RAB11FIP3: variants seen among roughly 807,000 people sequenced by gnomAD.
RAB11FIP3 encodes the protein rab11 family-interacting protein 3.
Under a neutral mutation model 77.8 loss-of-function variants are expected in RAB11FIP3, and 17 were observed. The observed-to-expected ratio is 0.22, with a 90% CI of 0.15 to 0.33. RAB11FIP3 has a LOEUF of 0.33. RAB11FIP3 is among the 10% of genes least tolerant of loss of function. RAB11FIP3 has a pLI of 1.00. For synonymous variants in RAB11FIP3, 437 were observed against 448.2 expected (o/e 0.98, Z 0.31); for missense variants, 1,005 against 1,011.2 (o/e 0.99, Z 0.08).
chr16:477,397 C>T (rs2055937684), intron 3 of RAB11FIP3, among the ~76,000 whole-genome samples: 1 of 152,226 alleles, frequency 6.6e-6, no homozygotes, highest in Non-Finnish European at 1.5e-5. Context: ...GGCAGTGTGG[C>T]CCCTGTGAGT....
rs2055808221 is a variant in RAB11FIP3, at chr16:471,507, G to A, written c.903+118G>A. On this transcript the variant is annotated intron_variant, in intron 3 of 13. Coordinates refer to ENST00000262305, the MANE Select transcript of RAB11FIP3 (RefSeq NM_014700.4). The surrounding 1 kb of genome is among the most constrained non-coding windows in gnomAD (Gnocchi z 4.4). ...TTCCGTAGAAGCTGGCGTGAAGGAAGGGCCTCCCGCCCTGTGTGCACCGTG... is the reference window on the plus strand; with the variant it reads ...TTCCGTAGAAGCTGGCGTGAAGGAAAGGCCTCCCGCCCTGTGTGCACCGTG... 2 of 870,212 alleles carry A rather than the reference G, an allele frequency of 2.3e-6. No homozygotes were observed. The highest frequency in any genetic ancestry group is 3.7e-6 in the Non-Finnish European group (2 of 543,050). 53.9% of individuals were successfully genotyped at this position (870,212 alleles called of 1,614,324 possible). A position where few individuals can be genotyped will look rare whatever the true frequency, so the allele number is the denominator to read the frequency against.
In RAB11FIP3 at chr16:462,675, C is replaced by T. The variant is rs112468239; in HGVS notation, c.808+1178C>T. Among the ~76,000 whole-genome samples, 421 of 148,466 alleles carry T rather than the reference C, an allele frequency of 2.8e-3. 1 individual carries two copies. Among genetic ancestry groups the T allele is most frequent in the Middle Eastern group, 0.014 (4 of 286 alleles). ...CCCTTCCGCAGCACCGTCCCTTCCC[C>T]GGCACCGTCCCTTCCCCAGTCCCCC... is the stretch of plus-strand genomic sequence containing the variant. On this transcript the variant is annotated intron_variant, in intron 2 of 13. Coordinates refer to ENST00000262305, the MANE Select transcript of RAB11FIP3 (RefSeq NM_014700.4).
At position 518,927 on chromosome 16, in the gene RAB11FIP3, T is replaced by C; in HGVS notation, c.1641-16T>C. 3 of 1,613,382 alleles carry C rather than the reference T, an allele frequency of 1.9e-6. No homozygotes were observed. The highest frequency in any genetic ancestry group is 2.5e-6 in the Non-Finnish European group (3 of 1,179,836). ...AGCTTCCTGGAGTGAGTTTCAGCTT[T>C]GTTCTTGTGTCCCAGGCTACAGCAA... On this transcript the variant is annotated splice_polypyrimidine_tract_variant and intron_variant, in intron 9 of 13. Coordinates refer to ENST00000262305, the MANE Select transcript of RAB11FIP3 (RefSeq NM_014700.4).
chr16:443,171 G>A (rs75407681), intron 1 of RAB11FIP3, among the ~76,000 whole-genome samples: 3,905 of 152,098 alleles, frequency 0.026, 181 homozygotes, highest in African/African-American at 0.087. Flanking sequence ...CAGCACTGAG[G>A]AACACTTGGC....
chr16:428,087 C>G (rs1233770283), intron 1 of RAB11FIP3, among the ~76,000 whole-genome samples: 1 of 139,774 alleles, frequency 7.2e-6, no homozygotes, highest in African/African-American at 2.9e-5. Flanking sequence ...GGCGACAGAG[C>G]GAGACTTCGT....
chr16:493,680 C>T (rs1393859459), intron 5 of RAB11FIP3, among the ~76,000 whole-genome samples: 1 of 152,044 alleles, frequency 6.6e-6, no homozygotes, highest in Admixed American at 6.5e-5. Flanking sequence ...GATCTCGGCT[C>T]ACTGCAACCT....
chr16:520,609 C>T lies in RAB11FIP3; in HGVS notation c.2157+10C>T. Reference sequence around the variant, plus strand: ...CGTCTCCCGAGATGAGGTAACACATCCCGTGTCTGCACGGTGTGGCCTGGG... The same window carrying T: ...CGTCTCCCGAGATGAGGTAACACATTCCGTGTCTGCACGGTGTGGCCTGGG... On this transcript the variant is annotated intron_variant, in intron 13 of 13. Coordinates refer to ENST00000262305, the MANE Select transcript of RAB11FIP3 (RefSeq NM_014700.4). 1 of 1,612,878 alleles carries T rather than the reference C, an allele frequency of 6.2e-7. No homozygotes were observed. The highest frequency in any genetic ancestry group is 1.1e-5 in the South Asian group (1 of 91,046).
intron 1 of RAB11FIP3, among the ~76,000 whole-genome samples, chr16:450,407 A>T (rs1230527702): frequency 6.6e-6 from 1 of 152,116 alleles, no homozygotes; most frequent in Non-Finnish European, 1.5e-5. Flanking sequence ...GTCAGTTTCG[A>T]ACTCCTGACC....
intron 1 of RAB11FIP3, among the ~76,000 whole-genome samples, chr16:448,173 C>T (rs534627966): frequency 1.3e-4 from 20 of 150,108 alleles, no homozygotes; most frequent in Admixed American, 2.7e-4. Context: ...AAAAATTAGC[C>T]GAGCGTGGTG....
At chr16:458,238 G>A (rs538392596) in intron 1 of RAB11FIP3, among the ~76,000 whole-genome samples, 1 of 152,364 alleles carries the variant, frequency 6.6e-6, no homozygotes, top group Non-Finnish European at 1.5e-5. Flanking sequence ...ATTGCCTCCT[G>A]GGCGATGCTA....
intron 6 of RAB11FIP3, among the ~76,000 whole-genome samples, chr16:498,831 G>T (rs2031321595): frequency 2.0e-5 from 3 of 152,100 alleles, no homozygotes; most frequent in Admixed American, 1.3e-4. Flanking sequence ...TCATTTTAGG[G>T]GCTAGGGGCT....
At chr16:454,375 G>T (rs946102403) in intron 1 of RAB11FIP3, among the ~76,000 whole-genome samples, 2 of 152,138 alleles carry the variant, frequency 1.3e-5, no homozygotes, top group Admixed American at 1.3e-4. Context: ...CCAGGAGTTT[G>T]AGACCAGCCT....
chr16:458,651 T>G (rs1032074330), intron 1 of RAB11FIP3, among the ~76,000 whole-genome samples: 3 of 132,456 alleles, frequency 2.3e-5, no homozygotes, highest in Non-Finnish European at 5.0e-5. Context: ...GCCCTAGGGT[T>G]TTGTCAGTTA....
At chr16:460,729 G>C (rs2055591369) in intron 1 of RAB11FIP3, among the ~76,000 whole-genome samples, 1 of 152,134 alleles carries the variant, frequency 6.6e-6, no homozygotes, top group South Asian at 2.1e-4. Flanking sequence ...TTGGCATGCT[G>C]GATCCTTGCC....
At chr16:464,830 A>C (rs2055674434) in intron 2 of RAB11FIP3, among the ~76,000 whole-genome samples, 1 of 152,198 alleles carries the variant, frequency 6.6e-6, no homozygotes, top group Non-Finnish European at 1.5e-5. Flanking sequence ...GGCTGCAGTG[A>C]GCTGTGTTTG....
intron 3 of RAB11FIP3, chr16:474,984 T>A (rs1315302841): frequency 6.4e-7 from 1 of 1,551,602 alleles, no homozygotes; most frequent in African/African-American, 1.4e-5. Context: ...GAAAAGCCAG[T>A]GACCCGGTTG....
chr16:429,843 A>G (rs2055008466), intron 1 of RAB11FIP3, among the ~76,000 whole-genome samples: 1 of 152,132 alleles, frequency 6.6e-6, no homozygotes, highest in African/African-American at 2.4e-5. Context: ...CATATTGAGT[A>G]TCTTCTATGT....
chr16:478,170 G>T (rs944717092), intron 3 of RAB11FIP3, among the ~76,000 whole-genome samples: 1 of 151,688 alleles, frequency 6.6e-6, no homozygotes, highest in Non-Finnish European at 1.5e-5. Context: ...GGTAGCCCTC[G>T]CAGGTCTTAG....
chr16:498,468 C>T (rs1341092338), intron 6 of RAB11FIP3, among the ~76,000 whole-genome samples: 2 of 152,110 alleles, frequency 1.3e-5, no homozygotes, highest in Admixed American at 1.3e-4. Context: ...AGCCGTCACA[C>T]CTGGCCATGG....
Sources: gnomAD v4.1 joint callset for allele counts (sites outside exome capture counted in the v4.1 genomes callset) on GRCh38, gnomAD v4.1.1 for gene constraint, Gnocchi (gnomAD v3.1) non-coding constraint, MANE v1.5 for transcripts, NCBI Gene and HGNC (gene_info 2026-07-23, HGNC 2026-07-21) for gene names.